GABRB3: variants seen among roughly 807,000 people sequenced by gnomAD.
The protein encoded by GABRB3 is gamma-aminobutyric acid type A receptor subunit beta3.
Under a neutral mutation model 52.1 loss-of-function variants are expected in GABRB3, and 14 were observed. The ratio of observed to expected loss-of-function variants is 0.27; its 90% CI spans 0.18 to 0.42. The LOEUF (loss-of-function observed/expected upper bound fraction) is 0.42, where lower values mean the gene tolerates loss of function less well. Among genes scored for constraint, GABRB3 ranks in the 10% least tolerant of loss-of-function variants. The probability of loss-of-function intolerance (pLI) is 1.00; values close to 1 mark genes in which losing one functional copy is unlikely to be tolerated. For missense variants in GABRB3, 307 were observed against 609.1 expected, an observed-to-expected ratio of 0.50 and a Z score of 5.22; for synonymous variants, 260 against 232.3, an observed-to-expected ratio of 1.12 and a Z score of -1.08.
chr15:26,742,924 CTT>C (rs779891729), intron 3 of GABRB3, among the ~76,000 whole-genome samples: 2 of 48,832 alleles, frequency 4.1e-5, no homozygotes, highest in Non-Finnish European at 9.1e-5. Context: ...ATTAGAGATT[CTT>C]TTTTTTTTTT....
At chr15:26,770,852 T>C (rs1436160918) in intron 3 of GABRB3, among the ~76,000 whole-genome samples, 2 of 152,206 alleles carry the variant, frequency 1.3e-5, no homozygotes, top group Non-Finnish European at 2.9e-5. Flanking sequence ...AAACAAACAT[T>C]TTGAGTAAAA....
intron 3 of GABRB3, among the ~76,000 whole-genome samples, chr15:26,740,621 A>G (rs1441960070): frequency 1.3e-5 from 2 of 152,134 alleles, no homozygotes; most frequent in African/African-American, 4.8e-5. Flanking sequence ...TGGGCACCCC[A>G]GGAAGCCTCC....
rs551493347 is a variant in GABRB3 at position 26,689,443 on chromosome 15, A to G, written c.241-67909T>C. On this transcript the variant is annotated intron_variant, in intron 3 of 8. Transcript: ENST00000311550. ...TCCAGGAAGGGGCAAAAGGAACTGG[A>G]GTTTATGCAGAGTGAGGTGGTCAAG... 2.0e-5 allele frequency among the ~76,000 whole-genome samples: 3 copies of G among 152,300 alleles called. No individual in the cohort carries two copies. In the South Asian group the frequency reaches 6.2e-4, roughly 32 times the overall value.
chr15:26,672,020 T>A (rs572798336), intron 3 of GABRB3, among the ~76,000 whole-genome samples: 4 of 152,288 alleles, frequency 2.6e-5, no homozygotes, highest in Non-Finnish European at 5.9e-5. Context: ...CCGAGAAAAA[T>A]TTGGAATAAT....
At chr15:26,727,289 C>T (rs550089801) in intron 3 of GABRB3, among the ~76,000 whole-genome samples, 4 of 152,106 alleles carry the variant, frequency 2.6e-5, no homozygotes, top group Non-Finnish European at 5.9e-5. Context: ...GAAGACATGT[C>T]CCTCCTTCCT....
chr15:26,570,013 C>G lies in GABRB3; in HGVS notation c.683-2280G>C, dbSNP rs138851891. On this transcript the variant is annotated intron_variant, in intron 6 of 8. Coordinates refer to ENST00000311550, the MANE Select transcript of GABRB3 (RefSeq NM_000814.6). ...ATATGCTAATCCTCGCTTGTATTCT[C>G]TGCAAGCATTCTCCCAGTTGCTGTT... is the stretch of plus-strand genomic sequence containing the variant. 9.7e-4 allele frequency among the ~76,000 whole-genome samples: 147 copies of G among 152,298 alleles called. 1 individual carries two copies. The highest frequency in any genetic ancestry group is 3.3e-3 in the African/African-American group (136 of 41,556).
At chr15:26,724,775 A>C (rs1368016612) in intron 3 of GABRB3, among the ~76,000 whole-genome samples, 1 of 152,150 alleles carries the variant, frequency 6.6e-6, no homozygotes, top group Non-Finnish European at 1.5e-5. Flanking sequence ...GACTCCTCCT[A>C]CAGTGTATTA....
intron 3 of GABRB3, among the ~76,000 whole-genome samples, chr15:26,732,340 G>A (rs954756371): frequency 3.4e-5 from 5 of 145,162 alleles, no homozygotes; most frequent in African/African-American, 1.1e-4. Flanking sequence ...ATGGATGGAC[G>A]GACAGATGAG....
At position 26,716,829 on chromosome 15, in the gene GABRB3, A is replaced by G. The variant is rs1356450885; in HGVS notation, c.240+55573T>C. On this transcript the variant is annotated intron_variant, in intron 3 of 8. Coordinates refer to ENST00000311550, the MANE Select transcript of GABRB3 (RefSeq NM_000814.6). The stretch of plus-strand genomic sequence containing the variant: ...TCCACCCAACCACAGCCCAGCTCTG[A>G]GGACCTCCACCCAACCACAGCCCAG... The G allele has an allele frequency of 1.2e-3, 1,326 of 1,065,094 alleles. 67 individuals carry two copies. Among genetic ancestry groups the G allele is most frequent in the African/African-American group, 0.011 (469 of 44,208 alleles). The allele number at this position is 1,065,094 out of a possible 1,614,324, so 66.0% of individuals were successfully genotyped here.
intron 3 of GABRB3, among the ~76,000 whole-genome samples, chr15:26,746,253 T>C (rs1890336070): frequency 6.6e-6 from 1 of 152,120 alleles, no homozygotes; most frequent in Non-Finnish European, 1.5e-5. Context: ...TGGCCATCTG[T>C]ATATACTCTT....
chr15:26,727,373 T>G (rs1248194011), intron 3 of GABRB3, among the ~76,000 whole-genome samples: 2 of 152,218 alleles, frequency 1.3e-5, no homozygotes, highest in Non-Finnish European at 2.9e-5. Context: ...GTTTATTCTA[T>G]GGAATACTTT....
chr15:26,738,124 C>G (rs1158430862), intron 3 of GABRB3, among the ~76,000 whole-genome samples: 2 of 152,036 alleles, frequency 1.3e-5, no homozygotes, highest in Non-Finnish European at 2.9e-5. Context: ...GAGTTGTCGC[C>G]TGGGCTGGAG....
intron 3 of GABRB3, among the ~76,000 whole-genome samples, chr15:26,679,387 C>T (rs1888168703): frequency 6.6e-6 from 1 of 152,028 alleles, no homozygotes; most frequent in African/African-American, 2.4e-5. Context: ...TCGCACTCAC[C>T]TGCTCTTGAG....
intron 4 of GABRB3, among the ~76,000 whole-genome samples, chr15:26,619,765 GATTA>G (rs1322719996): frequency 8.6e-5 from 13 of 151,574 alleles, no homozygotes; most frequent in African/African-American, 3.2e-4. Flanking sequence ...AAAATTCCTA[GATTA>G]ATTTTTGTTG....
intron 3 of GABRB3, among the ~76,000 whole-genome samples, chr15:26,683,243 T>G (rs1037984975): frequency 6.6e-6 from 1 of 151,934 alleles, no homozygotes; most frequent in African/African-American, 2.4e-5. Context: ...ATTGATAAAA[T>G]TAATAAATTG....
intron 3 of GABRB3, among the ~76,000 whole-genome samples, chr15:26,746,313 T>C (rs1428672274): frequency 1.3e-5 from 2 of 152,202 alleles, no homozygotes; most frequent in Non-Finnish European, 1.5e-5. Context: ...CTGGATTGTT[T>C]GTTACTGCTG....
chr15:26,654,793 T>A (rs1887314828), intron 3 of GABRB3, among the ~76,000 whole-genome samples: 1 of 152,084 alleles, frequency 6.6e-6, no homozygotes, highest in Admixed American at 6.6e-5. Flanking sequence ...ATTTCATTTA[T>A]CTTTGTAAAT....
chr15:26,606,808 A>AGATAGATAGATATATT (rs1891842935), intron 4 of GABRB3, among the ~76,000 whole-genome samples: 21 of 84,774 alleles, frequency 2.5e-4, no homozygotes, highest in East Asian at 1.2e-3. Context: ...ATATATCTAT[A>AGATAGATAGATATATT]GATAGATAGA....
At chr15:26,608,841 T>C (rs1370840887) in intron 4 of GABRB3, among the ~76,000 whole-genome samples, 2 of 152,122 alleles carry the variant, frequency 1.3e-5, no homozygotes, top group Non-Finnish European at 2.9e-5. Context: ...CCTTGTACAC[T>C]GTTGGTAGGA....
Sources: allele counts gnomAD v4.1 joint callset (sites outside exome capture counted in the v4.1 genomes callset), GRCh38; gene constraint gnomAD v4.1.1; transcripts MANE v1.5; gene names NCBI Gene and HGNC (gene_info 2026-07-23, HGNC 2026-07-21).